Variants in OIT3 observed in about 807,000 individuals in gnomAD.
OIT3 encodes oncoprotein induced transcript 3.
Under a neutral mutation model 52.2 loss-of-function variants are expected in OIT3, and 41 were observed. The observed-to-expected ratio is 0.79, with a 90% CI of 0.61 to 1.02. OIT3 has a LOEUF of 1.02. OIT3 is among the 50% of genes least tolerant of loss of function. OIT3 has a pLI of 0.00. For synonymous variants in OIT3, 244 were observed against 276.9 expected (o/e 0.88, Z 1.18); for missense variants, 634 against 715.5 (o/e 0.89, Z 1.30).
intron 8 of OIT3, 37 bp downstream of exon 8, chr10:72,930,674 T>C: frequency 4.9e-6 from 5 of 1,011,238 alleles, no homozygotes; most frequent in Non-Finnish European, 6.0e-6. Flanking sequence ...CCCCTGAACC[T>C]GAGCCTTTTT....
intron 7 of OIT3, among the ~76,000 whole-genome samples, chr10:72,928,795 T>C (rs1474966616): frequency 6.6e-6 from 1 of 152,162 alleles, no homozygotes; most frequent in Non-Finnish European, 1.5e-5. Flanking sequence ...TATGTTTAGA[T>C]CCCCTTCAGT....
At chr10:72,897,316 G>A (rs1250510600) in intron 1 of OIT3, among the ~76,000 whole-genome samples, 1 of 152,150 alleles carries the variant, frequency 6.6e-6, no homozygotes, top group East Asian at 1.9e-4. Context: ...GAGCCACTGT[G>A]CCTGGCCAAA....
Position 72,906,629 on chromosome 10 carries a change from G to A in OIT3, c.578G>A (p.Cys193Tyr). The change falls in exon 4 of 9, where the codon TGC becomes TAC. Residue 193 changes from cysteine (C) to tyrosine (Y), a missense_variant. Transcript: ENST00000334011. ...GAATGTGAGCAAAACAACGGTGGCT[G>A]CAGTGAGATCTGTGTGAACCTCAAA... ...ENECEQNNGG[C>Y]SEICVNLKNS... The A allele has an allele frequency of 6.2e-7, 1 of 1,613,844 alleles. No individual in the cohort carries two copies. The highest frequency in any genetic ancestry group is 8.5e-7 in the Non-Finnish European group (1 of 1,179,832).
At chr10:72,917,987 A>G in intron 6 of OIT3, 3 of 809,626 alleles carry the variant, frequency 3.7e-6, no homozygotes, top group South Asian at 1.4e-5. Flanking sequence ...CTTCATCATT[A>G]TCATCATTAT....
Position 72,932,347 on chromosome 10 carries a change from T to C in OIT3, c.1468-7T>C. 2 of 1,613,912 alleles carry C rather than the reference T, an allele frequency of 1.2e-6. No individual in the cohort carries two copies. The highest frequency in any genetic ancestry group is 1.7e-6 in the Non-Finnish European group (2 of 1,179,774). On this transcript the variant is annotated splice_polypyrimidine_tract_variant and splice_region_variant and intron_variant, in intron 8 of 8. Coordinates refer to ENST00000334011, the MANE Select transcript of OIT3 (RefSeq NM_152635.3). Reference sequence around the variant, plus strand: ...GTTTTTATTAACAGTCGTGATCATCTCTTCAGGAAGTGTTTCTGCACTGCC... The same window carrying C: ...GTTTTTATTAACAGTCGTGATCATCCCTTCAGGAAGTGTTTCTGCACTGCC...
At chr10:72,929,389 A>G (rs939208635) in intron 7 of OIT3, among the ~76,000 whole-genome samples, 1 of 151,878 alleles carries the variant, frequency 6.6e-6, no homozygotes, top group African/African-American at 2.4e-5. Context: ...TCTAGAATCT[A>G]GAATGGGAAA....
intron 6 of OIT3, among the ~76,000 whole-genome samples, chr10:72,921,752 A>C (rs1242625721): frequency 6.6e-6 from 1 of 150,568 alleles, no homozygotes; most frequent in Non-Finnish European, 1.5e-5. Context: ...AGCACATGCA[A>C]CCTCTGCCTC....
chr10:72,895,860 A>C (rs1035393103), intron 1 of OIT3, among the ~76,000 whole-genome samples: 2 of 152,240 alleles, frequency 1.3e-5, no homozygotes, highest in African/African-American at 4.8e-5. Flanking sequence ...AGATGTATAG[A>C]TCAGCATTTT....
intron 1 of OIT3, among the ~76,000 whole-genome samples, chr10:72,895,769 G>A (rs1482868815): frequency 6.6e-6 from 1 of 152,218 alleles, no homozygotes; most frequent in Non-Finnish European, 1.5e-5. Context: ...CAGAGGGGCA[G>A]CTGGCAAGTG....
chr10:72,926,480 G>C (rs1287683679), intron 7 of OIT3, among the ~76,000 whole-genome samples: 7 of 152,124 alleles, frequency 4.6e-5, no homozygotes, highest in Admixed American at 1.3e-4. Flanking sequence ...TCACATCTCA[G>C]CTCCACAGAG....
intron 6 of OIT3, among the ~76,000 whole-genome samples, chr10:72,919,851 A>T (rs1210647079): frequency 1.3e-5 from 2 of 152,158 alleles, no homozygotes; most frequent in Non-Finnish European, 2.9e-5. Context: ...TCAGTTTGCC[A>T]GTATTTTGTT....
At chr10:72,915,692 T>C (rs1846066847) in intron 6 of OIT3, among the ~76,000 whole-genome samples, 1 of 152,170 alleles carries the variant, frequency 6.6e-6, no homozygotes. Context: ...TGCACTGCAT[T>C]TGGGGGTCCC....
intron 3 of OIT3, among the ~76,000 whole-genome samples, chr10:72,905,583 A>G (rs987100480): frequency 1.3e-5 from 2 of 152,204 alleles, no homozygotes; most frequent in Non-Finnish European, 2.9e-5. Flanking sequence ...TCAGCATCAC[A>G]GATGCTTTAT....
chr10:72,912,024 A>T (rs1846033336), intron 5 of OIT3, among the ~76,000 whole-genome samples, 185 bp downstream of exon 5: 1 of 152,174 alleles, frequency 6.6e-6, no homozygotes, highest in African/African-American at 2.4e-5. Context: ...CTAAGAAAAG[A>T]TTACCAAAAA....
chr10:72,930,482 T>C (rs1173893122), intron 7 of OIT3, 56 bp from the exon 8 acceptor site: 1 of 1,330,074 alleles, frequency 7.5e-7, no homozygotes, highest in African/African-American at 1.4e-5. Flanking sequence ...GGTTAGATTG[T>C]TTTTCCACCT....
intron 6 of OIT3, chr10:72,917,653 A>G (rs1331607487): frequency 2.3e-6 from 2 of 876,082 alleles, no homozygotes; most frequent in East Asian, 2.4e-5. Context: ...GACTTCCTCC[A>G]CTGCCAGAGA....
At chr10:72,930,315 T>C (rs1846204778) in intron 7 of OIT3, among the ~76,000 whole-genome samples, 1 of 152,196 alleles carries the variant, frequency 6.6e-6, no homozygotes, top group Admixed American at 6.5e-5. Flanking sequence ...AGTTTGTGGG[T>C]ACAGCAAATG....
intron 7 of OIT3, among the ~76,000 whole-genome samples, chr10:72,925,954 A>T (rs1286909854): frequency 1.3e-5 from 2 of 152,162 alleles, no homozygotes; most frequent in Admixed American, 6.5e-5. Flanking sequence ...TTTCCTAAGG[A>T]TCCTTGGTGG....
At chr10:72,910,214 A>C (rs1285377462) in intron 4 of OIT3, among the ~76,000 whole-genome samples, 1 of 152,228 alleles carries the variant, frequency 6.6e-6, no homozygotes, top group Non-Finnish European at 1.5e-5. Context: ...AAAATGACTT[A>C]AGGAAGGTAA....
Sources: allele counts gnomAD v4.1 joint callset (sites outside exome capture counted in the v4.1 genomes callset), GRCh38; gene constraint gnomAD v4.1.1; transcripts MANE v1.5; gene names NCBI Gene and HGNC (gene_info 2026-07-23, HGNC 2026-07-21).